The following CYB5R1 variants were observed in gnomAD, a reference collection of about 807,000 sequenced individuals.
CYB5R1 encodes the protein cytochrome b5 reductase 1, also known as NADH-cytochrome b5 reductase 1.
In CYB5R1, 32 loss-of-function variants were observed where a neutral mutation model predicts 37.4. The ratio of observed to expected loss-of-function variants is 0.86; its 90% CI spans 0.65 to 1.15. The LOEUF (loss-of-function observed/expected upper bound fraction) is 1.15. Among genes scored for constraint, CYB5R1 ranks in the 50% most tolerant of loss-of-function variants. The probability of loss-of-function intolerance (pLI) is 0.00; values close to 1 mark genes in which losing one functional copy is unlikely to be tolerated. For missense variants in CYB5R1, 345 were observed against 382.5 expected (o/e 0.90, Z 0.82); for synonymous variants, 159 against 155.2 (o/e 1.02, Z -0.18).
chr1:202,966,494 C>G (rs1455042022), intron 3 of CYB5R1, 34 bp downstream of exon 3: 1 of 1,609,414 alleles, frequency 6.2e-7, no homozygotes, highest in African/African-American at 1.3e-5. Flanking sequence ...TCTGAGGATA[C>G]CAGGGAAAGG....
At chr1:202,962,867 C>T (rs568446633) in intron 8 of CYB5R1, 168 bp from the exon 9 acceptor site, 2 of 999,880 alleles carry the variant, frequency 2.0e-6, no homozygotes, top group Admixed American at 4.0e-5. Context: ...GCCTTAGCAG[C>T]ACCGCCATCC....
In CYB5R1 at chr1:202,962,366, A is replaced by T. The variant is rs1655005636; in HGVS notation, c.*161T>A. ...AGTGACTGAGCCTTGGCCCTCTTCC[A>T]TGGCTACAGGAATATTGTTCCTGCA... On this transcript the variant is annotated 3_prime_UTR_variant, in exon 9 of 9. Transcript: ENST00000367249. 2 of 927,174 alleles carry T rather than the reference A, an allele frequency of 2.2e-6. No homozygotes were observed. The highest frequency in any genetic ancestry group is 2.6e-5 in the Admixed American group (1 of 37,788). 57.4% of individuals were successfully genotyped at this position (927,174 alleles called of 1,614,324 possible).
At position 202,962,252 on chromosome 1, in the gene CYB5R1, C is replaced by T. The variant is rs376488232; in HGVS notation, c.*275G>A. ...GCCAATCTTGGACCAAGCGTACATG[C>T]TCCCTTCCTTCTTACTCCATGGAAG... On this transcript the variant is annotated 3_prime_UTR_variant, in exon 9 of 9. Transcript: ENST00000367249. 1.9e-4 allele frequency: 72 copies of T among 384,708 alleles called. 1 individual carries two copies. The highest frequency in any genetic ancestry group is 4.4e-4 in the African/African-American group (21 of 48,082). The allele number at this position is 384,708 out of a possible 1,614,324, so 23.8% of individuals were successfully genotyped here. A position where few individuals can be genotyped will look rare whatever the true frequency, so the allele number is the denominator to read the frequency against.
chr1:202,964,644 G>A lies in CYB5R1; in HGVS notation c.527C>T (p.Ala176Val), dbSNP rs955709437. ...GCCGGCAATCATTCCCAGTTTCTTC[G>A]CCACTCGGGGTTCTGGTGGAGATTT... ...NKKSPPEPRV[A>V]KKLGMIAGGT... The change falls in exon 6 of 9, where the codon GCG becomes GTG. Residue 176 changes from alanine to valine, a missense_variant. Physicochemically the swap from Ala to Val is moderately conservative, Grantham distance 64 (BLOSUM62 0). Transcript: ENST00000367249. The A allele has an allele frequency of 1.2e-5, 19 of 1,613,624 alleles. No homozygotes were observed. The highest frequency in any genetic ancestry group is 1.0e-4 in the Admixed American group (6 of 59,996).
intron 5 of CYB5R1, 114 bp from the exon 6 acceptor site, chr1:202,964,809 C>G (rs767048765): frequency 5.2e-5 from 40 of 768,172 alleles, no homozygotes; most frequent in Non-Finnish European, 9.2e-5. Flanking sequence ...GCTATGACAT[C>G]TGATCCTGGA....
intron 5 of CYB5R1, 51 bp from the exon 6 acceptor site, chr1:202,964,746 A>G (rs1328901916): frequency 7.5e-7 from 1 of 1,333,034 alleles, no homozygotes; most frequent in African/African-American, 1.4e-5. Context: ...AATACAGCGA[A>G]CTTAGAAAAC....
rs1655083668 is a variant in CYB5R1, at chr1:202,965,946, T to C, written c.286A>G (p.Arg96Gly). 1.2e-6 allele frequency: 2 copies of C among 1,614,016 alleles called. No individual in the cohort carries two copies. Among genetic ancestry groups the C allele is most frequent in the Non-Finnish European group, 1.7e-6 (2 of 1,179,982 alleles). Residue 96 changes from arginine (R) to glycine (G), a missense_variant, in exon 4 of 9, where the codon AGG becomes GGG. Transcript: ENST00000367249. ...TCACTGGTGACAGGAGTGTATGGCC[T>C]GATGACCAGGCTGCCATCAATTCGG... ...STRIDGSLVI[R>G]PYTPVTSDED...
chr1:202,963,283 G>C (rs1655029781), intron 7 of CYB5R1, 118 bp from the exon 8 acceptor site: 2 of 706,094 alleles, frequency 2.8e-6, no homozygotes, highest in Non-Finnish European at 4.8e-6. Flanking sequence ...AAAAGTTCTA[G>C]GAAATAAGCA....
Position 202,966,006 on chromosome 1 carries a change from C to G in CYB5R1, c.239-13G>C. The G allele has an allele frequency of 6.5e-7, 1 of 1,547,646 alleles. No individual in the cohort carries two copies. The highest frequency in any genetic ancestry group is 8.9e-7 in the Non-Finnish European group (1 of 1,119,970). ...TAGATATGTTTGCCTGGGGACCGTG[C>G]AGAGAGCTACATAAGGGTTGTCTGT... On this transcript the variant is annotated splice_polypyrimidine_tract_variant and intron_variant, in intron 3 of 8. Coordinates refer to ENST00000367249, the MANE Select transcript of CYB5R1 (RefSeq NM_016243.3).
Position 202,962,674 on chromosome 1 carries a change from C to T in CYB5R1, c.771G>A (p.Val257=). The T allele has an allele frequency of 6.2e-7, 1 of 1,614,110 alleles. No individual in the cohort carries two copies. Among genetic ancestry groups the T allele is most frequent in the Non-Finnish European group, 8.5e-7 (1 of 1,180,034 alleles). ...GGTGTTCCCGGATCATGTCGGCAGTCACAAAGCCCTTGCTGTAGGCCCAAT... is the reference window on the plus strand; with the variant it reads ...GGTGTTCCCGGATCATGTCGGCAGTTACAAAGCCCTTGCTGTAGGCCCAAT... The part of the protein sequence containing the change: ...PKDWAYSKGF[V]TADMIREHLP... The change falls in exon 9 of 9, where the codon GTG becomes GTA. Residue 257 remains valine (V), a synonymous_variant. Transcript: ENST00000367249.
intron 3 of CYB5R1, 141 bp downstream of exon 3, chr1:202,966,387 T>C (rs1306569596): frequency 3.2e-6 from 3 of 943,750 alleles, no homozygotes; most frequent in African/African-American, 1.6e-5. Flanking sequence ...ACCTCACAGC[T>C]TGGAGGATGC....
rs748397908 is a variant in CYB5R1, at chr1:202,962,702, G to C, written c.746-3C>G. On this transcript the variant is annotated splice_polypyrimidine_tract_variant and splice_region_variant and intron_variant, in intron 8 of 8. Transcript: ENST00000367249. Reference sequence around the variant, plus strand: ...AAAGCCCTTGCTGTAGGCCCAATCTGAAGTATGGGGAGAAGAAAGTACTTA... The same window carrying C: ...AAAGCCCTTGCTGTAGGCCCAATCTCAAGTATGGGGAGAAGAAAGTACTTA... 6.2e-7 allele frequency: 1 copy of C among 1,614,030 alleles called. No homozygotes were observed. The highest frequency in any genetic ancestry group is 2.2e-5 in the East Asian group (1 of 44,880).
chr1:202,965,794 T>C, intron 4 of CYB5R1, 93 bp downstream of exon 4: 3 of 920,326 alleles, frequency 3.3e-6, no homozygotes, highest in Non-Finnish European at 5.2e-6. Context: ...ACAGAGTACA[T>C]ACCATTTCCT....
Position 202,966,743 on chromosome 1 carries a change from A to T in CYB5R1, c.165+6T>A, listed in dbSNP as rs750856508. The T allele has an allele frequency of 1.2e-6, 2 of 1,613,586 alleles. No homozygotes were observed. Among genetic ancestry groups the T allele is most frequent in the Non-Finnish European group, 1.7e-6 (2 of 1,179,728 alleles). On this transcript the variant is annotated splice_donor_region_variant and intron_variant, in intron 2 of 8. Transcript: ENST00000367249. The stretch of plus-strand genomic sequence containing the variant: ...CTTCACCCTGGCCCTTTCTTCCCCA[A>T]CTTACCGTCTTGTCTAGCAGTCGTA...
At chr1:202,965,859 G>T (rs376673033) in intron 4 of CYB5R1, 28 bp downstream of exon 4, 2 of 1,466,644 alleles carry the variant, frequency 1.4e-6, no homozygotes, top group African/African-American at 1.4e-5. Context: ...TGGGTAAGCA[G>T]CCCCTGGGTC....
At position 202,966,555 on chromosome 1, in the gene CYB5R1, C is replaced by T; in HGVS notation, c.211G>A (p.Ala71Thr). 9.3e-6 allele frequency: 15 copies of T among 1,614,156 alleles called. No individual in the cohort carries two copies. The highest frequency in any genetic ancestry group is 2.2e-5 in the East Asian group (1 of 44,874). Reference protein sequence around the residue: ...TKRFRFALPTAHHTLGLPVGK... With the variant: ...TKRFRFALPTTHHTLGLPVGK... ...ACAGGCAGCCCCAGAGTGTGGTGGGCGGTGGGCAGGGCAAAGCGGAACCTC... is the reference window on the plus strand; with the variant it reads ...ACAGGCAGCCCCAGAGTGTGGTGGGTGGTGGGCAGGGCAAAGCGGAACCTC... The change falls in exon 3 of 9, where the codon GCC (alanine) becomes ACC (threonine). Residue 71 changes from alanine to threonine, a missense_variant. Transcript: ENST00000367249.
rs183848089 is a variant in CYB5R1, at chr1:202,964,428, A to T, written c.559+184T>A. On this transcript the variant is annotated intron_variant, in intron 6 of 8. Transcript: ENST00000367249. Reference sequence around the variant, plus strand: ...TGTTTCTCTAATTCCATCAGTTAAAATTTTTTTTGGTTTCTACCTGCTTAT... The same window carrying T: ...TGTTTCTCTAATTCCATCAGTTAAATTTTTTTTTGGTTTCTACCTGCTTAT... 2,234 of 591,748 alleles carry T rather than the reference A, an allele frequency of 3.8e-3. 7 individuals carry two copies. The highest frequency in any genetic ancestry group is 5.8e-3 in the Non-Finnish European group (1,900 of 329,380). The allele number at this position is 591,748 out of a possible 1,614,324, so 36.7% of individuals were successfully genotyped here.
chr1:202,963,081 C>A lies in CYB5R1; in HGVS notation c.730G>T (p.Asp244Tyr), dbSNP rs144951127. The change falls in exon 8 of 9, where the codon GAT becomes TAT. Residue 244 changes from aspartate (D) to tyrosine (Y), a missense_variant. Physicochemically the swap from Asp to Tyr is radical, Grantham distance 160 (BLOSUM62 -3). Coordinates refer to ENST00000367249, the MANE Select transcript of CYB5R1 (RefSeq NM_016243.3). ...GGAAGGATACCTTTTGGGGGATGAT[C>A]CAGAGTGAACCAGAGCTTAAAGCGA... is the stretch of plus-strand genomic sequence containing the variant. ...PNRFKLWFTL[D>Y]HPPKDWAYSK... The A allele has an allele frequency of 1.9e-6, 3 of 1,613,982 alleles. No individual in the cohort carries two copies. Among genetic ancestry groups the A allele is most frequent in the Non-Finnish European group, 2.5e-6 (3 of 1,179,898 alleles).
At position 202,963,132 on chromosome 1, in the gene CYB5R1, C is replaced by T. The variant is rs559078788; in HGVS notation, c.679G>A (p.Glu227Lys). Reference sequence around the variant, plus strand: ...TTGGGATAGCGGGCCTGCAGTTCCTCTAAGTCCTCCCGCAAGATGATATCC... The same window carrying T: ...TTGGGATAGCGGGCCTGCAGTTCCTTTAAGTCCTCCCGCAAGATGATATCC... ...EKDIILREDL[E>K]ELQARYPNRF... The change falls in exon 8 of 9, where the codon GAG becomes AAG. Residue 227 changes from glutamate to lysine, a missense_variant. Glu to Lys is a moderately conservative substitution (Grantham distance 56). Coordinates refer to ENST00000367249, the MANE Select transcript of CYB5R1 (RefSeq NM_016243.3). 2 of 1,614,166 alleles carry T rather than the reference C, an allele frequency of 1.2e-6. No homozygotes were observed. The highest frequency in any genetic ancestry group is 2.2e-5 in the East Asian group (1 of 44,878).
Sources: allele counts gnomAD v4.1 joint callset, GRCh38; gene constraint gnomAD v4.1.1; transcripts MANE v1.5; gene names NCBI Gene and HGNC (gene_info 2026-07-23, HGNC 2026-07-21).